The following EIF2S2 variants were observed in gnomAD, a reference collection of about 807,000 sequenced individuals.
EIF2S2 encodes eukaryotic translation initiation factor 2 subunit 2.
EIF2S2 carries 4 observed loss-of-function variants against 44.0 expected under a neutral mutation model. The observed-to-expected ratio is 0.09, with a 90% CI of 0.04 to 0.21. EIF2S2 has a LOEUF of 0.21. Among genes scored for constraint, EIF2S2 ranks in the 10% least tolerant of loss-of-function variants. The pLI is 1.00. For missense variants in EIF2S2, 154 were observed against 392.0 expected, an observed-to-expected ratio of 0.39 and a Z score of 5.13; for synonymous variants, 108 against 128.3, an observed-to-expected ratio of 0.84 and a Z score of 1.07.
rs533691511 is a variant in EIF2S2 at position 34,093,981 on chromosome 20, C to T, written c.684-250G>A. 2.3e-4 allele frequency among the ~76,000 whole-genome samples: 35 copies of T among 152,294 alleles called. No homozygotes were observed. In the South Asian group the frequency reaches 7.0e-3, roughly 31 times the overall value. Reference sequence around the variant, plus strand: ...TCATAGCTCACTGTAACCTCAAACTCCTGAGCTCAAGCCATCCTCCCATCT... The same window carrying T: ...TCATAGCTCACTGTAACCTCAAACTTCTGAGCTCAAGCCATCCTCCCATCT... On this transcript the variant is annotated intron_variant, in intron 6 of 8. Transcript: ENST00000374980.
rs769344660 is a variant in EIF2S2, at chr20:34,096,835, C to T, written c.535-30G>A. The T allele has an allele frequency of 2.5e-5, 40 of 1,590,802 alleles. No homozygotes were observed. The Admixed American group carries it at 3.8e-4, about 15-fold the overall frequency. On this transcript the variant is annotated intron_variant, in intron 5 of 8. Transcript: ENST00000374980. ...AAAAATAAAGTGGTATTCATGAATA[C>T]GCTTAGTAACTGCAGGGGTATAAAG...
chr20:34,105,638 T>G (rs2034341021), intron 1 of EIF2S2, 93 bp from the exon 2 acceptor site: 1 of 1,223,758 alleles, frequency 8.2e-7, no homozygotes. Context: ...AGGCATACTC[T>G]TAAAAGAGTA....
intron 6 of EIF2S2, among the ~76,000 whole-genome samples, chr20:34,096,259 C>T (rs2034227459): frequency 6.6e-6 from 1 of 151,934 alleles, no homozygotes; most frequent in Admixed American, 6.6e-5. Context: ...AACAAGCCCT[C>T]CTGGGCAACA....
At chr20:34,108,856 G>C (rs925595537) in intron 1 of EIF2S2, among the ~76,000 whole-genome samples, 3 of 151,808 alleles carry the variant, frequency 2.0e-5, no homozygotes, top group Admixed American at 6.6e-5. Flanking sequence ...AGAGAAGCAA[G>C]ACATTGATCT....
chr20:34,106,737 CTCTTAT>C (rs1225925627), intron 1 of EIF2S2, among the ~76,000 whole-genome samples: 1 of 152,136 alleles, frequency 6.6e-6, no homozygotes, highest in East Asian at 1.9e-4. Context: ...CCCCAAAATT[CTCTTAT>C]TCTTATCTAA....
At chr20:34,097,388 C>T (rs2034241689) in intron 5 of EIF2S2, 28 bp downstream of exon 5, 3 of 1,567,190 alleles carry the variant, frequency 1.9e-6, no homozygotes, top group East Asian at 2.2e-5. Context: ...AATAGCTTAG[C>T]CCCTTTTCAC....
At chr20:34,108,936 ATT>A (rs374743966) in intron 1 of EIF2S2, among the ~76,000 whole-genome samples, 33 of 140,282 alleles carry the variant, frequency 2.4e-4, no homozygotes, top group Non-Finnish European at 2.2e-4. Context: ...GGATTGTGGG[ATT>A]TTTTTTTTTT....
Position 34,091,776 on chromosome 20 carries a change from T to TTTTGGG in EIF2S2, c.741-1175_741-1174insCCCAAA, listed in dbSNP as rs4012181. Among the ~76,000 whole-genome samples, 116 of 95,816 alleles carry TTTTGGG rather than the reference T, an allele frequency of 1.2e-3. 3 individuals are homozygous for TTTTGGG. Among genetic ancestry groups the TTTTGGG allele is most frequent in the African/African-American group, 4.0e-3 (112 of 28,094 alleles). The allele number at this position is 95,816 out of a possible 152,430, so 62.9% of individuals were successfully genotyped here. ...TATTATTTATATATATTTATTTTTT[T>TTTTGGG]GGGGGGGGGGGGTCCAAGGGTGGAG... is the stretch of plus-strand genomic sequence containing the variant. On this transcript the variant is annotated intron_variant, in intron 7 of 8. Transcript: ENST00000374980.
chr20:34,096,230 C>T (rs949093549), intron 6 of EIF2S2, among the ~76,000 whole-genome samples: 2 of 151,992 alleles, frequency 1.3e-5, no homozygotes, highest in African/African-American at 2.4e-5. Flanking sequence ...ATTTCTCTCA[C>T]CTCTGAATGC....
At chr20:34,092,896 A>G (rs547752335) in intron 7 of EIF2S2, among the ~76,000 whole-genome samples, 50 of 152,312 alleles carry the variant, frequency 3.3e-4, no homozygotes, top group African/African-American at 1.2e-3. Context: ...GATTGTATCT[A>G]TCTTGACTGT....
At chr20:34,104,844 G>A (rs1377110325) in intron 2 of EIF2S2, among the ~76,000 whole-genome samples, 1 of 152,200 alleles carries the variant, frequency 6.6e-6, no homozygotes, top group East Asian at 1.9e-4. Context: ...CTCAGTGAAT[G>A]TCAGTTGTCT....
intron 4 of EIF2S2, 96 bp from the exon 5 acceptor site, chr20:34,097,612 G>T: frequency 2.2e-6 from 2 of 921,334 alleles, no homozygotes; most frequent in Non-Finnish European, 3.3e-6. Flanking sequence ...AAAGACATCT[G>T]TCTTCCCTTC....
At chr20:34,095,564 G>A (rs1229130375) in intron 6 of EIF2S2, among the ~76,000 whole-genome samples, 1 of 152,030 alleles carries the variant, frequency 6.6e-6, no homozygotes, top group Non-Finnish European at 1.5e-5. Context: ...CGCCCACCTC[G>A]GCCTCCCAAA....
intron 6 of EIF2S2, among the ~76,000 whole-genome samples, chr20:34,094,785 A>AT (rs1284918610): frequency 6.6e-6 from 1 of 152,126 alleles, no homozygotes; most frequent in Non-Finnish European, 1.5e-5. Flanking sequence ...TTTTCATTTC[A>AT]TTTTTTAAAT....
At chr20:34,096,939 G>A in intron 5 of EIF2S2, 134 bp from the exon 6 acceptor site, 1 of 978,044 alleles carries the variant, frequency 1.0e-6, no homozygotes. Flanking sequence ...ACAAGTCTGG[G>A]AGCTCCTTGA....
intron 3 of EIF2S2, among the ~76,000 whole-genome samples, chr20:34,099,713 G>A (rs1241360757): frequency 6.6e-6 from 1 of 152,178 alleles, no homozygotes; most frequent in Non-Finnish European, 1.5e-5. Flanking sequence ...AAACTCGGAA[G>A]TTCCCACATT....
intron 2 of EIF2S2, among the ~76,000 whole-genome samples, chr20:34,103,979 G>A (rs1036529878): frequency 6.6e-6 from 1 of 152,156 alleles, no homozygotes; most frequent in South Asian, 2.1e-4. Flanking sequence ...AAAGTGCTGG[G>A]ATTACAGGCG....
At chr20:34,109,806 AAAAAAC>A (rs1193878710) in intron 1 of EIF2S2, among the ~76,000 whole-genome samples, 13 of 152,024 alleles carry the variant, frequency 8.6e-5, no homozygotes, top group Non-Finnish European at 1.9e-4. Context: ...CAAGAAAAAA[AAAAAAC>A]AAAAACAGAA....
intron 6 of EIF2S2, among the ~76,000 whole-genome samples, chr20:34,094,419 C>T (rs1023010404): frequency 1.3e-5 from 2 of 151,922 alleles, no homozygotes; most frequent in South Asian, 2.1e-4. Context: ...TAGCATAAAA[C>T]CTTCTTTTTA....
Sources: gnomAD v4.1 joint callset for allele counts (sites outside exome capture counted in the v4.1 genomes callset) on GRCh38, gnomAD v4.1.1 for gene constraint, MANE v1.5 for transcripts, NCBI Gene and HGNC (gene_info 2026-07-23, HGNC 2026-07-21) for gene names.